The following PHF14 variants were observed in gnomAD, a reference collection of about 807,000 sequenced individuals.
PHF14 encodes the protein PHD finger protein 14.
A neutral mutation model predicts 117.9 loss-of-function variants in PHF14; 55 were observed. The observed-to-expected ratio is 0.47, with a 90% CI of 0.38 to 0.58. The LOEUF (loss-of-function observed/expected upper bound fraction) is 0.58, where lower values mean the gene tolerates loss of function less well. Among genes scored for constraint, PHF14 ranks in the 20% least tolerant of loss-of-function variants. The probability of loss-of-function intolerance (pLI) is 0.00; values close to 1 mark genes in which losing one functional copy is unlikely to be tolerated. For missense variants in PHF14, 978 were observed against 1,122.2 expected, an observed-to-expected ratio of 0.87 and a Z score of 1.84; for synonymous variants, 409 against 368.6, an observed-to-expected ratio of 1.11 and a Z score of -1.26.
intron 16 of PHF14, among the ~76,000 whole-genome samples, chr7:11,091,816 C>T (rs1356520677): frequency 6.6e-6 from 1 of 152,082 alleles, no homozygotes; most frequent in Non-Finnish European, 1.5e-5. Flanking sequence ...AATTTGATAA[C>T]TGTTAAACAC....
chr7:11,061,667 C>T, intron 14 of PHF14, 124 bp from the exon 15 acceptor site: 1 of 599,120 alleles, frequency 1.7e-6, no homozygotes, highest in Non-Finnish European at 2.6e-6. Flanking sequence ...TTAGAAATAA[C>T]TAATTTTGCA....
rs1350762976 is a variant in PHF14, at chr7:11,007,638, CTTTA to C, written c.1046-6104_1046-6101del. On this transcript the variant is annotated intron_variant, in intron 4 of 17. Transcript: ENST00000634607. ...TGGTTAAATATGAACTTCATGAATA[CTTTA>C]TTTAGAGAAAACTATTTGCCTATCA... Among the ~76,000 whole-genome samples the C allele has an allele frequency of 3.3e-5, 5 of 152,096 alleles. 1 individual carries two copies. The highest frequency in any genetic ancestry group is 1.9e-4 in the East Asian group (1 of 5,180).
In PHF14 at chr7:11,036,202, A is replaced by G. The variant is rs1009739837; in HGVS notation, c.1603-216A>G. Among the ~76,000 whole-genome samples the G allele has an allele frequency of 2.0e-5, 3 of 152,294 alleles. No individual in the cohort carries two copies. In the East Asian group the frequency reaches 5.8e-4, roughly 29 times the overall value. On this transcript the variant is annotated intron_variant, in intron 8 of 17. Coordinates refer to ENST00000634607, the MANE Select transcript of PHF14 (RefSeq NM_001007157.2). Reference sequence around the variant, plus strand: ...TAATTAGTTTCTCAAAACTCTGATTATAAGTTAGGACAGTTGTTACTAGGG... The same window carrying G: ...TAATTAGTTTCTCAAAACTCTGATTGTAAGTTAGGACAGTTGTTACTAGGG...
intron 4 of PHF14, among the ~76,000 whole-genome samples, chr7:11,008,002 C>A (rs1325879126): frequency 6.6e-6 from 1 of 152,136 alleles, no homozygotes. Flanking sequence ...GGAAGATCTT[C>A]TAATATTAGG....
intron 14 of PHF14, 124 bp from the exon 15 acceptor site, chr7:11,061,667 C>G: frequency 1.7e-6 from 1 of 599,120 alleles, no homozygotes; most frequent in Non-Finnish European, 2.6e-6. Flanking sequence ...TTAGAAATAA[C>G]TAATTTTGCA....
intron 17 of PHF14, among the ~76,000 whole-genome samples, chr7:11,127,657 C>T (rs1030354070): frequency 6.6e-6 from 1 of 152,116 alleles, no homozygotes; most frequent in African/African-American, 2.4e-5. Context: ...TAAAGTACCT[C>T]TTCTAAAGAA....
rs114497478 is a variant in PHF14 at position 11,134,613 on chromosome 7, A to G, written c.2772+23146A>G. ...GCGGTAACCTCAGAGTAGCCACAGGATCACACAACTTTTTGACAGCTAGTT... is the reference window on the plus strand; with the variant it reads ...GCGGTAACCTCAGAGTAGCCACAGGGTCACACAACTTTTTGACAGCTAGTT... On this transcript the variant is annotated intron_variant, in intron 17 of 17. Transcript: ENST00000634607. Among the ~76,000 whole-genome samples, 1,209 of 152,132 alleles carry G rather than the reference A, an allele frequency of 7.9e-3. 11 individuals are homozygous for G. Among genetic ancestry groups the G allele is most frequent in the African/African-American group, 0.028 (1,152 of 41,538 alleles).
chr7:10,993,279 C>G (rs1305170934), intron 4 of PHF14, among the ~76,000 whole-genome samples: 1 of 151,900 alleles, frequency 6.6e-6, no homozygotes, highest in African/African-American at 2.4e-5. Flanking sequence ...ATTTCTATGG[C>G]CTTTCTCTTA....
intron 17 of PHF14, among the ~76,000 whole-genome samples, chr7:11,139,464 G>A (rs1788340053): frequency 6.6e-6 from 1 of 152,130 alleles, no homozygotes; most frequent in Admixed American, 6.5e-5. Context: ...ACCTATGCAG[G>A]AACATAATCA....
chr7:11,001,461 T>C (rs535511308), intron 4 of PHF14, among the ~76,000 whole-genome samples: 2 of 152,326 alleles, frequency 1.3e-5, no homozygotes, highest in East Asian at 3.9e-4. Context: ...TGGGATTTTA[T>C]TGAATCTATA....
At chr7:11,155,026 C>G (rs574821465) in intron 17 of PHF14, among the ~76,000 whole-genome samples, 1 of 152,186 alleles carries the variant, frequency 6.6e-6, no homozygotes, top group South Asian at 2.1e-4. Context: ...AGGTACCTAT[C>G]TTCACTACAG....
chr7:11,024,536 G>T (rs985501799), intron 6 of PHF14, among the ~76,000 whole-genome samples: 1 of 152,140 alleles, frequency 6.6e-6, no homozygotes. Context: ...GGTGAATGCG[G>T]CTGGTGACTT....
intron 16 of PHF14, chr7:11,062,311 G>C: frequency 3.2e-6 from 1 of 316,202 alleles, no homozygotes; most frequent in Non-Finnish European, 5.7e-6. Flanking sequence ...GTTTAACACA[G>C]GGAATTATTT....
intron 2 of PHF14, among the ~76,000 whole-genome samples, chr7:10,976,529 A>G (rs1347511032): frequency 6.6e-6 from 1 of 152,114 alleles, no homozygotes; most frequent in Non-Finnish European, 1.5e-5. Context: ...TTACATTATT[A>G]TGTGACAATA....
intron 12 of PHF14, among the ~76,000 whole-genome samples, chr7:11,041,851 G>T (rs1472648430): frequency 6.7e-6 from 1 of 150,034 alleles, no homozygotes; most frequent in African/African-American, 2.5e-5. Context: ...TATTTATTTT[G>T]GCTTTTTAAG....
At chr7:11,120,773 A>G (rs73681611) in intron 17 of PHF14, among the ~76,000 whole-genome samples, 2,199 of 152,220 alleles carry the variant, frequency 0.014, 49 homozygotes, top group African/African-American at 0.05. Flanking sequence ...TTTTATAAGT[A>G]GAGAGAATGA....
intron 4 of PHF14, among the ~76,000 whole-genome samples, chr7:11,000,690 G>T (rs1454498829): frequency 6.6e-6 from 1 of 151,958 alleles, no homozygotes; most frequent in African/African-American, 2.4e-5. Context: ...CAGATCTTTT[G>T]CCCATTTTTA....
At chr7:11,012,700 G>A (rs190657594) in intron 4 of PHF14, among the ~76,000 whole-genome samples, 2 of 152,180 alleles carry the variant, frequency 1.3e-5, no homozygotes, top group African/African-American at 4.8e-5. Flanking sequence ...TACATTAGCT[G>A]CCTAAATAAT....
At chr7:11,032,795 T>A (rs1784165947) in intron 7 of PHF14, among the ~76,000 whole-genome samples, 1 of 152,196 alleles carries the variant, frequency 6.6e-6, no homozygotes, top group South Asian at 2.1e-4. Context: ...GCATTTGTAT[T>A]TAAGGCCCTT....
Sources: allele counts gnomAD v4.1 joint callset (sites outside exome capture counted in the v4.1 genomes callset), GRCh38; gene constraint gnomAD v4.1.1; transcripts MANE v1.5; gene names NCBI Gene and HGNC (gene_info 2026-07-23, HGNC 2026-07-21).